DNAH11: variants seen among roughly 807,000 people sequenced by gnomAD.
The protein encoded by DNAH11 is dynein axonemal heavy chain 11, also known as axonemal beta dynein heavy chain 11.
Under a neutral mutation model 526.0 loss-of-function variants are expected in DNAH11, and 442 were observed. The ratio of observed to expected loss-of-function variants is 0.84; its 90% CI spans 0.78 to 0.91. The LOEUF is 0.91. Among genes scored for constraint, DNAH11 ranks in the 40% least tolerant of loss-of-function variants. The pLI is 0.00. For synonymous variants in DNAH11, 2,461 were observed against 1,935.9 expected, an observed-to-expected ratio of 1.27 and a Z score of -7.12; for missense variants, 6,989 against 5,448.7, an observed-to-expected ratio of 1.28 and a Z score of -8.90.
chr7:21,627,249 A>G lies in DNAH11; in HGVS notation c.4500+7171A>G, dbSNP rs79565644. On this transcript the variant is annotated intron_variant, in intron 25 of 81. Coordinates refer to ENST00000409508, the MANE Select transcript of DNAH11 (RefSeq NM_001277115.2). The stretch of plus-strand genomic sequence containing the variant: ...GCTATTCACTTCGTTAATTGTTTCT[A>G]TTGCTGTGCAGAAGCATTTTGTCTT... Among the ~76,000 whole-genome samples the G allele has an allele frequency of 8.9e-4, 136 of 152,106 alleles. 1 individual carries two copies. The South Asian group carries it at 9.4e-3, about 10-fold the overall frequency.
intron 40 of DNAH11, among the ~76,000 whole-genome samples, chr7:21,710,258 G>T (rs188400358): frequency 6.6e-6 from 1 of 152,132 alleles, no homozygotes; most frequent in African/African-American, 2.4e-5. Context: ...TTTTAGGTAC[G>T]TTACCTTCTA....
chr7:21,818,732 A>C (rs1789924692), intron 65 of DNAH11, among the ~76,000 whole-genome samples: 1 of 152,096 alleles, frequency 6.6e-6, no homozygotes. Context: ...AAATCCATTC[A>C]CTATTTTTTA....
chr7:21,887,815 C>G (rs1706190982), intron 76 of DNAH11, among the ~76,000 whole-genome samples: 1 of 152,158 alleles, frequency 6.6e-6, no homozygotes, highest in Admixed American at 6.5e-5. Context: ...TCACTATAAT[C>G]TGGAAGAGTA....
chr7:21,837,898 G>C (rs1038875740), intron 65 of DNAH11, among the ~76,000 whole-genome samples: 1 of 152,144 alleles, frequency 6.6e-6, no homozygotes, highest in African/African-American at 2.4e-5. Flanking sequence ...ACCATGATTT[G>C]ATCATTATAC....
At chr7:21,807,476 G>T (rs139021728) in intron 62 of DNAH11, among the ~76,000 whole-genome samples, 1 of 152,206 alleles carries the variant, frequency 6.6e-6, no homozygotes, top group East Asian at 1.9e-4. Context: ...TCCAGCACGG[G>T]TGATAGAGCC....
At chr7:21,602,962 A>C (rs1239545267) in intron 18 of DNAH11, among the ~76,000 whole-genome samples, 4 of 151,706 alleles carry the variant, frequency 2.6e-5, no homozygotes, top group Non-Finnish European at 5.9e-5. Flanking sequence ...TGCAACTACC[A>C]CCTCTATCTA....
At chr7:21,681,451 A>T in intron 30 of DNAH11, 95 bp from the exon 31 acceptor site, 2 of 1,340,634 alleles carry the variant, frequency 1.5e-6, no homozygotes, top group Non-Finnish European at 2.0e-6. Context: ...ATTGTTTTGC[A>T]AACTAAATCA....
chr7:21,901,036 A>G lies in DNAH11; in HGVS notation c.13333A>G (p.Ile4445Val). ...GARWDTQAGT[I>V]VEARLKELAC... Reference sequence around the variant, plus strand: ...CCGCTGGGACACCCAAGCAGGAACCATTGTTGAAGCCCGTCTCAAGGAGCT... The same window carrying G: ...CCGCTGGGACACCCAAGCAGGAACCGTTGTTGAAGCCCGTCTCAAGGAGCT... Residue 4445 changes from isoleucine (I) to valine (V), a missense_variant, in exon 82 of 82, where the codon ATT becomes GTT. Ile to Val is a conservative substitution (Grantham distance 29). Transcript: ENST00000409508. 6.2e-7 allele frequency: 1 copy of G among 1,610,938 alleles called. No homozygotes were observed. Among genetic ancestry groups the G allele is most frequent in the Non-Finnish European group, 8.5e-7 (1 of 1,178,412 alleles).
At chr7:21,547,267 C>T (rs1421212727) in intron 2 of DNAH11, among the ~76,000 whole-genome samples, 2 of 152,198 alleles carry the variant, frequency 1.3e-5, no homozygotes, top group African/African-American at 2.4e-5. Context: ...ATCCACAGCT[C>T]ATGACACAGA....
At chr7:21,649,754 C>T (rs1355408662) in intron 28 of DNAH11, among the ~76,000 whole-genome samples, 1 of 151,792 alleles carries the variant, frequency 6.6e-6, no homozygotes, top group Non-Finnish European at 1.5e-5. Context: ...CAACCTCCAC[C>T]TCCTGGGTTC....
intron 62 of DNAH11, among the ~76,000 whole-genome samples, chr7:21,806,056 A>G (rs975607066): frequency 2.0e-5 from 3 of 152,222 alleles, no homozygotes; most frequent in African/African-American, 2.4e-5. Flanking sequence ...CAGGCAATCT[A>G]TAATGCATTA....
At position 21,894,891 on chromosome 7, in the gene DNAH11, T is replaced by C. The variant is rs758783859; in HGVS notation, c.12941T>C (p.Leu4314Ser). ...EQLDLSLKGE[L>S]ALSPAVEAQQ... Reference sequence around the variant, plus strand: ...TTTTTTTCTCCATGCAAGGGGGAATTGGCATTATCTCCTGCTGTGGAAGCC... The same window carrying C: ...TTTTTTTCTCCATGCAAGGGGGAATCGGCATTATCTCCTGCTGTGGAAGCC... The change falls in exon 79 of 82, where the codon TTG becomes TCG. Residue 4314 changes from leucine to serine, a missense_variant. Transcript: ENST00000409508. The C allele has an allele frequency of 6.2e-7, 1 of 1,613,976 alleles. No individual in the cohort carries two copies. The highest frequency in any genetic ancestry group is 2.2e-5 in the East Asian group (1 of 44,876).
rs1459663021 is a variant in DNAH11, at chr7:21,725,852, A to G, written c.7308A>G (p.Lys2436=). Residue 2436 remains lysine (K), a synonymous_variant, in exon 45 of 82, where the codon AAA becomes AAG. Coordinates refer to ENST00000409508, the MANE Select transcript of DNAH11 (RefSeq NM_001277115.2). ...CTGACTTCAGTCGGTGGTGGCAGAA[A>G]GAGATGAAAGCAGTGAAATTTCCGT... ...YQADFSRWWQ[K]EMKAVKFPSQ... 4.3e-6 allele frequency: 7 copies of G among 1,611,916 alleles called. No individual in the cohort carries two copies. The highest frequency in any genetic ancestry group is 5.9e-6 in the Non-Finnish European group (7 of 1,179,038).
intron 79 of DNAH11, among the ~76,000 whole-genome samples, chr7:21,895,597 T>C (rs1784482075): frequency 6.6e-6 from 1 of 152,202 alleles, no homozygotes; most frequent in Non-Finnish European, 1.5e-5. Context: ...CACAAAGCTG[T>C]TGATTCCTGG....
chr7:21,770,159 G>A (rs1787372256), intron 55 of DNAH11, among the ~76,000 whole-genome samples: 1 of 152,150 alleles, frequency 6.6e-6, no homozygotes, highest in Admixed American at 6.5e-5. Context: ...TAGAGGTTCA[G>A]TATCCCTTAC....
chr7:21,695,401 G>T (rs1783806808), intron 35 of DNAH11, among the ~76,000 whole-genome samples: 1 of 152,156 alleles, frequency 6.6e-6, no homozygotes, highest in Non-Finnish European at 1.5e-5. Flanking sequence ...CAGATGTATA[G>T]ACCAATGGAA....
intron 29 of DNAH11, among the ~76,000 whole-genome samples, chr7:21,657,912 C>T (rs4722044): frequency 0.42 from 63,619 of 151,712 alleles, 13,897 homozygotes; most frequent in Non-Finnish European, 0.49. Context: ...AATGCTGCTG[C>T]TCTCTTCACA....
intron 1 of DNAH11, 88 bp downstream of exon 1, chr7:21,543,684 G>A: frequency 7.0e-7 from 1 of 1,427,864 alleles, no homozygotes. Flanking sequence ...ATTCCCGCGG[G>A]GCGCTCACTC....
intron 30 of DNAH11, 30 bp downstream of exon 30, chr7:21,659,061 T>C: frequency 6.7e-7 from 1 of 1,495,448 alleles, no homozygotes. Context: ...TTTTGAGACA[T>C]AAAGGAACTT....
Sources: gnomAD v4.1 joint callset for allele counts (sites outside exome capture counted in the v4.1 genomes callset) on GRCh38, gnomAD v4.1.1 for gene constraint, MANE v1.5 for transcripts, NCBI Gene and HGNC (gene_info 2026-07-23, HGNC 2026-07-21) for gene names.